MS4A10: variants seen among roughly 807,000 people sequenced by gnomAD.
MS4A10 encodes the protein membrane-spanning 4-domains subfamily A member 10.
MS4A10 carries 27 observed loss-of-function variants against 27.7 expected under a neutral mutation model. That is an observed-to-expected ratio of 0.98 (90% CI 0.72 to 1.35). The LOEUF (loss-of-function observed/expected upper bound fraction) is 1.35. MS4A10 is among the 40% of genes most tolerant of loss of function. The probability of loss-of-function intolerance (pLI) is 0.00; values close to 1 mark genes in which losing one functional copy is unlikely to be tolerated. For synonymous variants in MS4A10, 139 were observed against 131.2 expected, an observed-to-expected ratio of 1.06 and a Z score of -0.41; for missense variants, 338 against 324.7, an observed-to-expected ratio of 1.04 and a Z score of -0.32.
At chr11:60,792,005 G>A (rs1244049106) in intron 3 of MS4A10, among the ~76,000 whole-genome samples, 1 of 152,228 alleles carries the variant, frequency 6.6e-6, no homozygotes, top group Non-Finnish European at 1.5e-5. Context: ...GGAGTTCTAA[G>A]TGCAGGGCAC....
In MS4A10 at chr11:60,795,677, G is replaced by A; in HGVS notation, c.603+12G>A. The A allele has an allele frequency of 6.6e-7, 1 of 1,525,528 alleles. No individual in the cohort carries two copies. Among genetic ancestry groups the A allele is most frequent in the Non-Finnish European group, 8.8e-7 (1 of 1,134,236 alleles). The allele number at this position is 1,525,528 out of a possible 1,614,324, so 94.5% of individuals were successfully genotyped here. On this transcript the variant is annotated intron_variant, in intron 6 of 7. Coordinates refer to ENST00000308287, the MANE Select transcript of MS4A10 (RefSeq NM_206893.4). ...GCCCATCTGCAAAGGTAAGACAAGG[G>A]CTTGTCTTCCCAGGAAGACAAAAAA...
chr11:60,798,584 T>C, intron 7 of MS4A10, 70 bp downstream of exon 7: 3 of 1,189,602 alleles, frequency 2.5e-6, no homozygotes, highest in Non-Finnish European at 3.7e-6. Flanking sequence ...CTGGCATAGA[T>C]AGAAACCAGT....
intron 4 of MS4A10, 111 bp from the exon 5 acceptor site, chr11:60,793,860 AG>A: frequency 2.4e-6 from 3 of 1,240,528 alleles, no homozygotes; most frequent in Non-Finnish European, 1.1e-6. Flanking sequence ...GCCCAGTGAC[AG>A]GCAGAGTCTC....
chr11:60,792,226 C>G, intron 3 of MS4A10, 39 bp from the exon 4 acceptor site: 1 of 1,574,910 alleles, frequency 6.3e-7, no homozygotes, highest in Non-Finnish European at 8.7e-7. Flanking sequence ...TTTGAGGAAC[C>G]CCAGCTTCTC....
intron 5 of MS4A10, among the ~76,000 whole-genome samples, chr11:60,794,567 C>T (rs1854491398): frequency 6.6e-6 from 1 of 152,302 alleles, no homozygotes; most frequent in South Asian, 2.1e-4. Context: ...ATTAGTGGGT[C>T]TTTGACTCCA....
intron 7 of MS4A10, among the ~76,000 whole-genome samples, chr11:60,798,903 G>A (rs1854579945): frequency 2.0e-5 from 3 of 152,158 alleles, no homozygotes; most frequent in Admixed American, 2.0e-4. Context: ...TGGATGCACA[G>A]GGGGATATAA....
At chr11:60,798,223 G>A (rs1854563896) in intron 6 of MS4A10, among the ~76,000 whole-genome samples, 173 bp from the exon 7 acceptor site, 1 of 152,134 alleles carries the variant, frequency 6.6e-6, no homozygotes, top group Admixed American at 6.5e-5. Context: ...GAACAGGGAG[G>A]GTGGAGGGAG....
In MS4A10 at chr11:60,795,643, G is replaced by A; in HGVS notation, c.581G>A (p.Arg194Lys). The change falls in exon 6 of 8, where the codon AGA becomes AAA. Residue 194 changes from arginine to lysine, a missense_variant. Transcript: ENST00000308287. ...LPVPTAVTAW[R>K]GDCPSAKNDD... ...GTGCCCACAGCTGTCACAGCCTGGA[G>A]AGGGGACTGCCCATCTGCAAAGGTA... 5 of 1,589,090 alleles carry A rather than the reference G, an allele frequency of 3.1e-6. No homozygotes were observed. Among genetic ancestry groups the A allele is most frequent in the South Asian group, 1.1e-5 (1 of 87,034 alleles).
chr11:60,795,776 T>G, intron 6 of MS4A10, 111 bp downstream of exon 6: 2 of 590,572 alleles, frequency 3.4e-6, no homozygotes, highest in Non-Finnish European at 2.6e-6. Context: ...GTTTCATTCA[T>G]TCCTCACGTT....
chr11:60,800,430 CG>C lies in MS4A10; in HGVS notation c.*522del, dbSNP rs1854613098. 6.4e-6 allele frequency: 1 copy of C among 155,820 alleles called. No homozygotes were observed. Among genetic ancestry groups the C allele is most frequent in the African/African-American group, 2.4e-5 (1 of 41,516 alleles). 9.7% of individuals were successfully genotyped at this position (155,820 alleles called of 1,614,324 possible). A position where few individuals can be genotyped will look rare whatever the true frequency, so the allele number is the denominator to read the frequency against. On this transcript the variant is annotated 3_prime_UTR_variant, in exon 8 of 8. Transcript: ENST00000308287. ...CCTCCCAAAGTGCTGGGATTACAGG[CG>C]TGAGCCACTGTGCCCAGCCCAGGTT...
chr11:60,796,653 A>G (rs1010970536), intron 6 of MS4A10, among the ~76,000 whole-genome samples: 9 of 152,144 alleles, frequency 5.9e-5, no homozygotes, highest in African/African-American at 2.2e-4. Flanking sequence ...CAGAGAGGTC[A>G]CATCACTTCT....
Position 60,798,407 on chromosome 11 carries a change from A to G in MS4A10, c.615A>G (p.Ala205=). ...GDCPSAKNDD[A]CLVPNTPLHL... is the part of the protein sequence containing the mutation. ...CTTTTCTTTCGCAGAATGATGATGC[A>G]TGCCTTGTTCCGAATACACCATTGC... The change falls in exon 7 of 8, where the codon GCA becomes GCG. Residue 205 remains alanine (A), a synonymous_variant. Transcript: ENST00000308287. 1 of 1,613,844 alleles carries G rather than the reference A, an allele frequency of 6.2e-7. No homozygotes were observed. The highest frequency in any genetic ancestry group is 2.2e-5 in the East Asian group (1 of 44,884).
intron 5 of MS4A10, 119 bp from the exon 6 acceptor site, chr11:60,795,435 GA>G: frequency 1.9e-6 from 1 of 531,120 alleles, no homozygotes; most frequent in Middle Eastern, 5.1e-4. Flanking sequence ...CCTGGGAGCT[GA>G]AACCCCACCT....
Position 60,798,522 on chromosome 11 carries a change from G to T in MS4A10, c.722+8G>T. ...ACACAAGCAACATCAGAGGTGAAGA[G>T]GTTTGGCCCTGGCTCCCCAGACCTT... On this transcript the variant is annotated splice_region_variant and intron_variant, in intron 7 of 7. Coordinates refer to ENST00000308287, the MANE Select transcript of MS4A10 (RefSeq NM_206893.4). 6.2e-7 allele frequency: 1 copy of T among 1,610,696 alleles called. No individual in the cohort carries two copies. The highest frequency in any genetic ancestry group is 2.2e-5 in the East Asian group (1 of 44,858).
intron 3 of MS4A10, among the ~76,000 whole-genome samples, chr11:60,791,374 G>A (rs1159011050): frequency 6.6e-6 from 1 of 152,152 alleles, no homozygotes; most frequent in East Asian, 1.9e-4. Context: ...AAAGAGGAGG[G>A]TGAGTAAGAC....
chr11:60,794,139 G>C (rs1432348361), intron 5 of MS4A10, 36 bp downstream of exon 5: 1 of 1,612,882 alleles, frequency 6.2e-7, no homozygotes, highest in Admixed American at 1.7e-5. Flanking sequence ...TCTGACTTCA[G>C]CGAAGGTGCT....
chr11:60,790,354 G>C lies in MS4A10; in HGVS notation c.19G>C (p.Val7Leu). The change falls in exon 2 of 8, where the codon GTT becomes CTT. Residue 7 changes from valine (V) to leucine (L), a missense_variant. By Grantham distance (32) the Val-to-Leu change is conservative. Coordinates refer to ENST00000308287, the MANE Select transcript of MS4A10 (RefSeq NM_206893.4). MKAEAT[V>L]IPSRCARGLP... ...AGCATCAATGAAAGCAGAAGCCACA[G>C]TTATTCCCAGCCGTTGTGCTAGGGG... 2 of 1,614,072 alleles carry C rather than the reference G, an allele frequency of 1.2e-6. No homozygotes were observed. The highest frequency in any genetic ancestry group is 1.1e-5 in the South Asian group (1 of 91,076).
intron 6 of MS4A10, among the ~76,000 whole-genome samples, chr11:60,796,302 A>C (rs989486973): frequency 6.6e-6 from 1 of 152,030 alleles, no homozygotes; most frequent in Non-Finnish European, 1.5e-5. Context: ...TTTTCTTTTG[A>C]GACTGAGTCT....
At position 60,800,182 on chromosome 11, in the gene MS4A10, G is replaced by A. The variant is rs1022777034; in HGVS notation, c.*273G>A. 2.7e-5 allele frequency: 12 copies of A among 446,424 alleles called. No individual in the cohort carries two copies. The highest frequency in any genetic ancestry group is 5.8e-5 in the South Asian group (2 of 34,396). 27.7% of individuals were successfully genotyped at this position (446,424 alleles called of 1,614,324 possible). A position where few individuals can be genotyped will look rare whatever the true frequency, so the allele number is the denominator to read the frequency against. On this transcript the variant is annotated 3_prime_UTR_variant, in exon 8 of 8. Transcript: ENST00000308287. ...TTTTGTTTTGTTGAGATGGAGTCTC[G>A]CTCTGTTGCCCAGCCCAGAGTACAG...
Sources: gnomAD v4.1 joint callset for allele counts (sites outside exome capture counted in the v4.1 genomes callset) on GRCh38, gnomAD v4.1.1 for gene constraint, MANE v1.5 for transcripts, NCBI Gene and HGNC (gene_info 2026-07-23, HGNC 2026-07-21) for gene names.